The following CLPTM1 variants were observed in gnomAD, a reference collection of about 807,000 sequenced individuals.
CLPTM1 encodes the protein putative lipid scramblase CLPTM1.
In CLPTM1, 21 loss-of-function variants were observed where a neutral mutation model predicts 77.3. That is an observed-to-expected ratio of 0.27 (90% confidence interval 0.19 to 0.39). CLPTM1 has a LOEUF of 0.39. Among genes scored for constraint, CLPTM1 ranks in the 10% least tolerant of loss-of-function variants. CLPTM1 has a pLI of 1.00. For synonymous variants in CLPTM1, 373 were observed against 381.0 expected (o/e 0.98, Z 0.24); for missense variants, 642 against 921.2 (o/e 0.70, Z 3.92).
upstream of CLPTM1, chr19:44,955,370 C>CGGGGGCGGGGGGGGGGCGGGCGGG: frequency 2.1e-6 from 1 of 477,202 alleles, no homozygotes; most frequent in Non-Finnish European, 2.7e-6. Flanking sequence ...GGGCTGGCGG[C>CGGGGGCGGGGGGGGGGCGGGCGGG]GGGGGCGGGG....
In CLPTM1 at chr19:44,978,409, C is replaced by CAAA. The variant is rs56071173; in HGVS notation, c.586+961_586+963dup. Reference sequence around the variant, plus strand: ...ACACAGCAAGACTCCGTCTCCGTCTCAAAAAAAAAAAAAATAGATAAAATT... The same window carrying CAAA: ...ACACAGCAAGACTCCGTCTCCGTCTCAAAAAAAAAAAAAAAAATAGATAAAATT... On this transcript the variant is annotated intron_variant, in intron 5 of 13. Coordinates refer to ENST00000337392, the MANE Select transcript of CLPTM1 (RefSeq NM_001294.4). 3.4e-3 allele frequency among the ~76,000 whole-genome samples: 479 copies of CAAA among 138,862 alleles called. 3 individuals are homozygous for CAAA. The highest frequency in any genetic ancestry group is 0.01 in the African/African-American group (369 of 36,858). The allele number at this position is 138,862 out of a possible 152,430, so 91.1% of individuals were successfully genotyped here.
At chr19:44,957,838 A>T (rs1970486942) in intron 1 of CLPTM1, among the ~76,000 whole-genome samples, 1 of 152,200 alleles carries the variant, frequency 6.6e-6, no homozygotes, top group South Asian at 2.1e-4. Flanking sequence ...AGCGAATGCG[A>T]ATTGAGTCTA....
chr19:44,973,557 G>A (rs1470951909), intron 3 of CLPTM1, among the ~76,000 whole-genome samples: 2 of 152,006 alleles, frequency 1.3e-5, no homozygotes, highest in Non-Finnish European at 1.5e-5. Flanking sequence ...GAGGTGGGGA[G>A]GGCAGGGAGC....
chr19:44,986,930 C>T (rs1029410334), intron 7 of CLPTM1: 56 of 561,384 alleles, frequency 1.0e-4, no homozygotes, highest in African/African-American at 9.0e-4. Flanking sequence ...ACATGGTCAC[C>T]CACAGGGCAG....
intron 2 of CLPTM1, among the ~76,000 whole-genome samples, chr19:44,972,649 T>G (rs1193608931): frequency 2.0e-5 from 3 of 152,194 alleles, no homozygotes; most frequent in Admixed American, 6.5e-5. Flanking sequence ...ATGTTTATTA[T>G]TTTTTCTTTA....
chr19:44,968,736 CCA>C (rs1416793839), intron 2 of CLPTM1, among the ~76,000 whole-genome samples: 1 of 152,214 alleles, frequency 6.6e-6, no homozygotes, highest in Non-Finnish European at 1.5e-5. Context: ...ACCCCCACAG[CCA>C]CACACTAAGC....
intron 1 of CLPTM1, among the ~76,000 whole-genome samples, chr19:44,956,432 G>T (rs1032539639): frequency 2.0e-5 from 3 of 152,190 alleles, no homozygotes; most frequent in African/African-American, 7.2e-5. Flanking sequence ...GAATGATTAG[G>T]TTGGTGACAA....
chr19:44,978,409 C>CAA (rs56071173), intron 5 of CLPTM1, among the ~76,000 whole-genome samples: 55,924 of 138,560 alleles, frequency 0.4, 12,042 homozygotes, highest in Middle Eastern at 0.51. Flanking sequence ...GTCTCCGTCT[C>CAA]AAAAAAAAAA....
chr19:44,992,463 C>T lies in CLPTM1; in HGVS notation c.1723+63C>T. 2 of 1,604,388 alleles carry T rather than the reference C, an allele frequency of 1.2e-6. No individual in the cohort carries two copies. Among genetic ancestry groups the T allele is most frequent in the South Asian group, 1.1e-5 (1 of 90,426 alleles). On this transcript the variant is annotated intron_variant, in intron 13 of 13. Coordinates refer to ENST00000337392, the MANE Select transcript of CLPTM1 (RefSeq NM_001294.4). This position sits in a 1 kb window ranked among gnomAD's most constrained non-coding sequence, Gnocchi z 7.7. Reference sequence around the variant, plus strand: ...CAGGGCCCTGAGGCAGTCTTTAGGGCCCAGGCCTGAGGGGGTGCCACGGCC... The same window carrying T: ...CAGGGCCCTGAGGCAGTCTTTAGGGTCCAGGCCTGAGGGGGTGCCACGGCC...
intron 2 of CLPTM1, among the ~76,000 whole-genome samples, chr19:44,972,045 A>G (rs1600023775): frequency 6.7e-6 from 1 of 149,532 alleles, no homozygotes; most frequent in African/African-American, 2.5e-5. Flanking sequence ...TAATTTTTGT[A>G]TTTTTAGTAG....
Position 44,955,392 on chromosome 19 carries a change from G to A in CLPTM1, c.-4G>A, listed in dbSNP as rs1306717218. ...CGGCGGGGGCGGGGACCCGGAGCGG[G>A]AAGATGGCGGCGGCGCAGGAGGCGG... On this transcript the variant is annotated 5_prime_UTR_variant, in exon 1 of 14. Coordinates refer to ENST00000337392, the MANE Select transcript of CLPTM1 (RefSeq NM_001294.4). 1.5e-6 allele frequency: 2 copies of A among 1,337,424 alleles called. No individual in the cohort carries two copies. Among genetic ancestry groups the A allele is most frequent in the Non-Finnish European group, 1.9e-6 (2 of 1,044,370 alleles). The allele number at this position is 1,337,424 out of a possible 1,614,324, so 82.8% of individuals were successfully genotyped here.
At chr19:44,959,996 C>T (rs947658698) in intron 1 of CLPTM1, among the ~76,000 whole-genome samples, 6 of 152,168 alleles carry the variant, frequency 3.9e-5, no homozygotes, top group Admixed American at 2.0e-4. Flanking sequence ...CCTGACCTGG[C>T]ATCAAGTGTC....
At chr19:44,954,711 A>G, upstream of CLPTM1, 7 of 1,211,642 alleles carry the variant, frequency 5.8e-6, no homozygotes, top group Non-Finnish European at 7.2e-6. Context: ...GGTTTGGACC[A>G]CTGAGGGAAC....
intron 3 of CLPTM1, 146 bp from the exon 4 acceptor site, chr19:44,974,293 C>A: frequency 1.5e-6 from 1 of 679,660 alleles, no homozygotes; most frequent in Non-Finnish European, 2.4e-6. Context: ...AAAATATGTC[C>A]TCTCTGCTGC....
chr19:44,962,295 T>TG (rs964015648), intron 2 of CLPTM1, among the ~76,000 whole-genome samples: 65 of 152,222 alleles, frequency 4.3e-4, no homozygotes, highest in African/African-American at 1.3e-3. Flanking sequence ...TTCTGGTTTT[T>TG]GGGGGGCTAC....
At chr19:44,973,017 G>A in intron 2 of CLPTM1, 70 bp from the exon 3 acceptor site, 1 of 1,582,084 alleles carries the variant, frequency 6.3e-7, no homozygotes, top group Non-Finnish European at 8.6e-7. Flanking sequence ...TAAGTCAGAA[G>A]GAAGTCAGGC....
rs180873249 is a variant in CLPTM1, at chr19:44,975,573, G to C, written c.468+976G>C. Among the ~76,000 whole-genome samples the C allele has an allele frequency of 2.6e-3, 387 of 148,992 alleles. 2 individuals are homozygous for C. Among genetic ancestry groups the C allele is most frequent in the African/African-American group, 9.0e-3 (365 of 40,564 alleles). On this transcript the variant is annotated intron_variant, in intron 4 of 13. Coordinates refer to ENST00000337392, the MANE Select transcript of CLPTM1 (RefSeq NM_001294.4). ...ATTCTGGTTTTTTTTTTTGTTTTTTGTTTTTTTTTGAGACAGCGTCTCGCT... is the reference window on the plus strand; with the variant it reads ...ATTCTGGTTTTTTTTTTTGTTTTTTCTTTTTTTTTGAGACAGCGTCTCGCT...
At chr19:44,954,630 G>T, upstream of CLPTM1, 1 of 1,094,630 alleles carries the variant, frequency 9.1e-7, no homozygotes, top group African/African-American at 1.6e-5. Context: ...GTTTAGAGCT[G>T]TACGAAGACA....
At chr19:44,956,798 G>A (rs996963514) in intron 1 of CLPTM1, among the ~76,000 whole-genome samples, 8 of 152,134 alleles carry the variant, frequency 5.3e-5, no homozygotes, top group African/African-American at 1.7e-4. Flanking sequence ...TACCAACTCT[G>A]CTTAAAAACA....
Sources: gnomAD v4.1 joint callset for allele counts (sites outside exome capture counted in the v4.1 genomes callset) on GRCh38, gnomAD v4.1.1 for gene constraint, Gnocchi (gnomAD v3.1) non-coding constraint, MANE v1.5 for transcripts, NCBI Gene and HGNC (gene_info 2026-07-23, HGNC 2026-07-21) for gene names.